The following ZNF106 variants were observed in gnomAD, a reference collection of about 807,000 sequenced individuals.
ZNF106 encodes the protein zinc finger protein 106, also known as SH3-domain binding protein 3.
A neutral mutation model predicts 195.1 loss-of-function variants in ZNF106; 67 were observed. The ratio of observed to expected loss-of-function variants is 0.34; its 90% CI spans 0.28 to 0.42. The LOEUF (loss-of-function observed/expected upper bound fraction) is 0.42, where lower values mean the gene tolerates loss of function less well. Ranked by LOEUF, ZNF106 falls within the 10% of genes least tolerant of loss-of-function variation. The pLI is 1.00. For synonymous variants in ZNF106, 784 were observed against 818.6 expected, an observed-to-expected ratio of 0.96 and a Z score of 0.72; for missense variants, 2,118 against 2,304.5, an observed-to-expected ratio of 0.92 and a Z score of 1.66.
intron 1 of ZNF106, among the ~76,000 whole-genome samples, chr15:42,480,751 A>T (rs892045789): frequency 6.6e-6 from 1 of 152,120 alleles, no homozygotes; most frequent in African/African-American, 2.4e-5. Flanking sequence ...TTGGGAGGCC[A>T]AGGCAGGAGG....
In ZNF106 at chr15:42,450,134, T is replaced by G; in HGVS notation, c.2138A>C (p.Glu713Ala). The G allele has an allele frequency of 6.2e-7, 1 of 1,614,208 alleles. No individual in the cohort carries two copies. Among genetic ancestry groups the G allele is most frequent in the East Asian group, 2.2e-5 (1 of 44,892 alleles). Residue 713 changes from glutamate to alanine, a missense_variant, in exon 5 of 22, where the codon GAA (glutamate) becomes GCA (alanine). Glu to Ala is a moderately radical substitution (Grantham distance 107, BLOSUM62 -1). Coordinates refer to ENST00000564754, the MANE Select transcript of ZNF106 (RefSeq NM_001366845.3). ...DDSIKSHVSY[E>A]TEGFESASLD... Reference sequence around the variant, plus strand: ...GCTAGCACTCTCAAAGCCTTCTGTTTCATAAGATACATGAGATTTAATAGA... The same window carrying G: ...GCTAGCACTCTCAAAGCCTTCTGTTGCATAAGATACATGAGATTTAATAGA...
chr15:42,481,537 T>C (rs1280588250), intron 1 of ZNF106, among the ~76,000 whole-genome samples: 2 of 151,924 alleles, frequency 1.3e-5, no homozygotes, highest in African/African-American at 4.8e-5. Flanking sequence ...TTTTTTTATT[T>C]TTAGTAGAGA....
rs199854746 is a variant in ZNF106, at chr15:42,448,179, C to T, written c.3028G>A (p.Ala1010Thr). The change falls in exon 6 of 22, where the codon GCC (alanine) becomes ACC (threonine). Residue 1010 changes from alanine (A) to threonine (T), a missense_variant. Physicochemically the swap from Ala to Thr is moderately conservative, Grantham distance 58. Transcript: ENST00000564754. ...GNCLSSSASS[A>T]LAISSLADAA... Reference sequence around the variant, plus strand: ...TCCGCTAAACTGGAGATCGCAAGGGCTGAGGATGCGCTTGATGACAGACAG... The same window carrying T: ...TCCGCTAAACTGGAGATCGCAAGGGTTGAGGATGCGCTTGATGACAGACAG... The T allele has an allele frequency of 1.2e-6, 2 of 1,614,130 alleles. No individual in the cohort carries two copies. The highest frequency in any genetic ancestry group is 1.1e-5 in the South Asian group (1 of 91,084).
intron 1 of ZNF106, among the ~76,000 whole-genome samples, chr15:42,481,355 TTG>T (rs1354743541): frequency 8.3e-6 from 1 of 120,854 alleles, no homozygotes; most frequent in Non-Finnish European, 1.6e-5. Context: ...TTTTTTTTTG[TTG>T]TTTTTTTTTT....
chr15:42,453,771 T>C (rs904981280), intron 4 of ZNF106, among the ~76,000 whole-genome samples: 1 of 152,138 alleles, frequency 6.6e-6, no homozygotes. Context: ...AATTTTTGTA[T>C]TTTTAGTAGA....
In ZNF106 at chr15:42,446,665, G is replaced by C; in HGVS notation, c.3136-7C>G. The C allele has an allele frequency of 1.9e-6, 3 of 1,594,156 alleles. No homozygotes were observed. The highest frequency in any genetic ancestry group is 2.6e-6 in the Non-Finnish European group (3 of 1,170,062). On this transcript the variant is annotated splice_polypyrimidine_tract_variant and splice_region_variant and intron_variant, in intron 6 of 21. Coordinates refer to ENST00000564754, the MANE Select transcript of ZNF106 (RefSeq NM_001366845.3). ...GTTCAGGAGAAGATCCATCCTGGAA[G>C]GATAAAGAAAACTGAATAAAATCCA...
rs563697668 is a variant in ZNF106 at position 42,491,067 on chromosome 15, G to C, written c.-120C>G. 3 of 152,160 alleles carry C rather than the reference G, an allele frequency of 2.0e-5. No individual in the cohort carries two copies. The highest frequency in any genetic ancestry group is 6.5e-5 in the Admixed American group (1 of 15,294). The allele number at this position is 152,160 out of a possible 1,614,324, so 9.4% of individuals were successfully genotyped here. A position where few individuals can be genotyped will look rare whatever the true frequency, so the allele number is the denominator to read the frequency against. ...CGCCTCAGACGCCCCCTTCAGTTTT[G>C]GGTCCGGGAGCCTGCTCCGGACCCG... On this transcript the variant is annotated 5_prime_UTR_variant, in exon 1 of 22. Coordinates refer to ENST00000564754, the MANE Select transcript of ZNF106 (RefSeq NM_001366845.3).
intron 14 of ZNF106, among the ~76,000 whole-genome samples, chr15:42,433,077 A>G (rs920106752): frequency 6.6e-6 from 1 of 151,574 alleles, no homozygotes; most frequent in African/African-American, 2.4e-5. Flanking sequence ...TTCTCCTTCT[A>G]CCTTCTCTTG....
intron 10 of ZNF106, among the ~76,000 whole-genome samples, chr15:42,440,500 A>G (rs930989961): frequency 5.9e-5 from 9 of 152,158 alleles, no homozygotes; most frequent in African/African-American, 2.2e-4. Flanking sequence ...ATCATTATAT[A>G]TTAAATGGAA....
intron 10 of ZNF106, 120 bp from the exon 11 acceptor site, chr15:42,439,933 G>A (rs1300831760): frequency 5.7e-6 from 6 of 1,046,728 alleles, no homozygotes; most frequent in Non-Finnish European, 7.9e-6. Context: ...GTTTCAGCTG[G>A]TATCTCACCC....
At chr15:42,480,619 A>C (rs1243235669) in intron 1 of ZNF106, among the ~76,000 whole-genome samples, 1 of 152,248 alleles carries the variant, frequency 6.6e-6, no homozygotes, top group Middle Eastern at 3.4e-3. Context: ...TTGCATGATT[A>C]TATTTTCCCC....
Position 42,448,028 on chromosome 15 carries a change from G to A in ZNF106, c.3135+44C>T, listed in dbSNP as rs200888168. 2,399 of 1,545,826 alleles carry A rather than the reference G, an allele frequency of 1.6e-3. 4 individuals are homozygous for A. The highest frequency in any genetic ancestry group is 1.8e-3 in the Non-Finnish European group (2,046 of 1,146,702). Reference sequence around the variant, plus strand: ...ACCTTTTTTCATAAGCAACCAACTTGCCACATGCGATGTTCTACAAAAAGC... The same window carrying A: ...ACCTTTTTTCATAAGCAACCAACTTACCACATGCGATGTTCTACAAAAAGC... On this transcript the variant is annotated intron_variant, in intron 6 of 21. Coordinates refer to ENST00000564754, the MANE Select transcript of ZNF106 (RefSeq NM_001366845.3).
Position 42,442,393 on chromosome 15 carries a change from T to G in ZNF106, c.3443A>C (p.His1148Pro), listed in dbSNP as rs777682894. ...GAGGCTACAGGGAACCTGGTCTGGG[T>G]GCTCAGAAGGTTCATATGTTTCTAG... Reference protein sequence around the residue: ...GLQETYEPSEHPDQVPCSLTR... With the variant: ...GLQETYEPSEPPDQVPCSLTR... The change falls in exon 10 of 22, where the codon CAC becomes CCC. Residue 1148 changes from histidine to proline, a missense_variant. Physicochemically the swap from His to Pro is moderately conservative, Grantham distance 77 (BLOSUM62 -2). Coordinates refer to ENST00000564754, the MANE Select transcript of ZNF106 (RefSeq NM_001366845.3). 69 of 1,613,146 alleles carry G rather than the reference T, an allele frequency of 4.3e-5. No homozygotes were observed. In the Middle Eastern group the frequency reaches 2.0e-3, roughly 46 times the overall value.
intron 1 of ZNF106, among the ~76,000 whole-genome samples, chr15:42,473,306 AT>A: frequency 6.6e-6 from 1 of 152,290 alleles, no homozygotes; most frequent in Non-Finnish European, 1.5e-5. Context: ...TCTGCTCAGA[AT>A]TTCCCAATGG....
chr15:42,451,582 A>G lies in ZNF106; in HGVS notation c.690T>C (p.Ser230=). The G allele has an allele frequency of 6.2e-7, 1 of 1,614,196 alleles. No homozygotes were observed. Among genetic ancestry groups the G allele is most frequent in the Middle Eastern group, 1.7e-4 (1 of 6,060 alleles). The stretch of plus-strand genomic sequence containing the variant: ...AACTGGAAAAGCCACCTGTTCCTTC[A>G]GAAAGCCAACTGGAATTCCTTCCTG... ...NGTGRNSSWL[S]EGTGGFSSWH... Residue 230 remains serine, a synonymous_variant, in exon 5 of 22, where the codon TCT becomes TCC. Coordinates refer to ENST00000564754, the MANE Select transcript of ZNF106 (RefSeq NM_001366845.3).
At position 42,448,233 on chromosome 15, in the gene ZNF106, T is replaced by C. The variant is rs373372246; in HGVS notation, c.2974A>G (p.Asn992Asp). 1.9e-6 allele frequency: 3 copies of C among 1,614,198 alleles called. No individual in the cohort carries two copies. The highest frequency in any genetic ancestry group is 2.5e-6 in the Non-Finnish European group (3 of 1,180,032). ...ERSIPPSENQ[N>D]SQESNGEGNC... ...CCCTCTCCATTACTCTCCTGGGAAT[T>C]CTGATTCTCTGACGGTGGTATAGAC... Residue 992 changes from asparagine to aspartate, a missense_variant, in exon 6 of 22, where the codon AAT becomes GAT. Transcript: ENST00000564754.
Position 42,417,265 on chromosome 15 carries a change from G to A in ZNF106, c.*39C>T, listed in dbSNP as rs747032958. ...TGTGTGGGGGGCCAATGTGAAAATA[G>A]TTCAACTAATGACTTCCCAACGTGG... is the stretch of plus-strand genomic sequence containing the variant. On this transcript the variant is annotated 3_prime_UTR_variant, in exon 22 of 22. Transcript: ENST00000564754. 3.1e-6 allele frequency: 5 copies of A among 1,611,682 alleles called. No homozygotes were observed. The highest frequency in any genetic ancestry group is 2.7e-5 in the African/African-American group (2 of 74,960).
chr15:42,490,900 C>T (rs1415467128), intron 1 of ZNF106, 80 bp downstream of exon 1: 2 of 152,378 alleles, frequency 1.3e-5, no homozygotes, highest in South Asian at 2.1e-4. Flanking sequence ...TCTTGCAGCC[C>T]CACAACCTCC....
In ZNF106 at chr15:42,442,133, C is replaced by A. The variant is rs147121575; in HGVS notation, c.3703G>T (p.Val1235Leu). ...GCAGAGCTTGGTGGCACAGCATTCA[C>A]ATTCTCATCTTGTTCAGGAGACATG... Reference protein sequence around the residue: ...EPMSPEQDENVNAVPPSSACN... With the variant: ...EPMSPEQDENLNAVPPSSACN... Residue 1235 changes from valine (V) to leucine (L), a missense_variant, in exon 10 of 22, where the codon GTG becomes TTG. Physicochemically the swap from Val to Leu is conservative, Grantham distance 32. Coordinates refer to ENST00000564754, the MANE Select transcript of ZNF106 (RefSeq NM_001366845.3). 5 of 1,614,074 alleles carry A rather than the reference C, an allele frequency of 3.1e-6. No homozygotes were observed. Among genetic ancestry groups the A allele is most frequent in the Admixed American group, 1.7e-5 (1 of 59,998 alleles).
Sources: allele counts gnomAD v4.1 joint callset (sites outside exome capture counted in the v4.1 genomes callset), GRCh38; gene constraint gnomAD v4.1.1; transcripts MANE v1.5; gene names NCBI Gene and HGNC (gene_info 2026-07-23, HGNC 2026-07-21).